Variants in LRRC9 observed in about 807,000 individuals in gnomAD.
LRRC9 encodes the protein leucine-rich repeat-containing protein 9.
Under a neutral mutation model 63.2 loss-of-function variants are expected in LRRC9, and 122 were observed. The ratio of observed to expected loss-of-function variants is 1.93; its 90% CI spans 1.67 to 2.24. The LOEUF (loss-of-function observed/expected upper bound fraction) is 2.24. Ranked by LOEUF, LRRC9 falls within the 30% of genes most tolerant of loss-of-function variation. The pLI is 0.00. For missense variants in LRRC9, 1,071 were observed against 627.7 expected, an observed-to-expected ratio of 1.71 and a Z score of -7.55; for synonymous variants, 366 against 213.1, an observed-to-expected ratio of 1.72 and a Z score of -6.25.
At chr14:59,939,744 A>ATAC (rs1422397966) in intron 7 of LRRC9, among the ~76,000 whole-genome samples, 2 of 152,018 alleles carry the variant, frequency 1.3e-5, no homozygotes, top group East Asian at 3.9e-4. Flanking sequence ...CATGAGGAAG[A>ATAC]GTATGGGAGG....
chr14:59,988,281 T>TACC (rs1887688545), intron 17 of LRRC9, among the ~76,000 whole-genome samples: 1 of 152,158 alleles, frequency 6.6e-6, no homozygotes, highest in African/African-American at 2.4e-5. Context: ...TTTCTAGGTA[T>TACC]TAGAAATTAT....
In LRRC9 at chr14:59,936,199, C is replaced by T. The variant is rs918234870; in HGVS notation, c.544-2191C>T. 1.3e-5 allele frequency among the ~76,000 whole-genome samples: 2 copies of T among 152,092 alleles called. No homozygotes were observed. Among genetic ancestry groups the T allele is most frequent in the Admixed American group, 1.3e-4 (2 of 15,266 alleles). ...TTGAACTGCTGTATTTCAGTATCTTCATTTTAAAAATGATGATAGCAGGAT... is the reference window on the plus strand; with the variant it reads ...TTGAACTGCTGTATTTCAGTATCTTTATTTTAAAAATGATGATAGCAGGAT... On this transcript the variant is annotated intron_variant, in intron 6 of 31. Coordinates refer to ENST00000445360, the Ensembl canonical transcript of LRRC9. The surrounding 1 kb of genome is among the most constrained non-coding windows in gnomAD (Gnocchi z 4.2).
intron 8 of LRRC9, among the ~76,000 whole-genome samples, chr14:59,947,817 T>C (rs1882626113): frequency 6.6e-6 from 1 of 150,600 alleles, no homozygotes; most frequent in African/African-American, 2.4e-5. Context: ...CAGATAGTTG[T>C]AGGTAAGCGG....
Position 59,932,806 on chromosome 14 carries a change from A to G in LRRC9, c.543+767A>G, listed in dbSNP as rs758712844. On this transcript the variant is annotated intron_variant, in intron 6 of 31. Transcript: ENST00000445360. The surrounding 1 kb of genome is among the most constrained non-coding windows in gnomAD (Gnocchi z 4.7). ...TTTTTCCTGTGTTTGTCCTTTCCCT[A>G]CTATAGATCTGTTCTCCACACAGAA... Among the ~76,000 whole-genome samples, 5 of 152,068 alleles carry G rather than the reference A, an allele frequency of 3.3e-5. No homozygotes were observed. The highest frequency in any genetic ancestry group is 3.3e-4 in the Admixed American group (5 of 15,254).
downstream of LRRC9, among the ~76,000 whole-genome samples, chr14:60,066,545 A>G (rs1440662509): frequency 6.6e-6 from 1 of 152,158 alleles, no homozygotes; most frequent in Non-Finnish European, 1.5e-5. Flanking sequence ...TATAAAACTT[A>G]GAGCTTCTGG....
At chr14:60,013,994 T>C (rs1193242494) in intron 23 of LRRC9, among the ~76,000 whole-genome samples, 1 of 152,114 alleles carries the variant, frequency 6.6e-6, no homozygotes, top group African/African-American at 2.4e-5. Context: ...TTCTGTTTTC[T>C]TTTTTGTGCC....
intron 22 of LRRC9, among the ~76,000 whole-genome samples, chr14:60,007,785 T>C (rs997426003): frequency 4.0e-5 from 6 of 151,778 alleles, no homozygotes; most frequent in Non-Finnish European, 8.8e-5. Flanking sequence ...CACTTAAAAG[T>C]GCACTGAGGC....
intron 19 of LRRC9, among the ~76,000 whole-genome samples, chr14:60,000,856 G>C (rs746596835): frequency 6.6e-6 from 1 of 152,056 alleles, no homozygotes; most frequent in African/African-American, 2.4e-5. Context: ...ACTGTCAAAA[G>C]ATATTCTTTA....
intron 18 of LRRC9, 132 bp downstream of exon 18, chr14:59,997,979 T>C: frequency 1.8e-6 from 1 of 555,374 alleles, no homozygotes; most frequent in Non-Finnish European, 3.2e-6. Context: ...TTCCTTGAAG[T>C]CATTCATAAA....
At chr14:59,970,875 TTGTC>T (rs1280262375) in intron 12 of LRRC9, among the ~76,000 whole-genome samples, 1 of 152,164 alleles carries the variant, frequency 6.6e-6, no homozygotes, top group Non-Finnish European at 1.5e-5. Flanking sequence ...ATTCTGTAGA[TTGTC>T]TGTTTACTCT....
chr14:60,053,863 GT>G lies in LRRC9; in HGVS notation c.4131+663del. 1 of 445,828 alleles carries G rather than the reference GT, an allele frequency of 2.2e-6. No homozygotes were observed. Among genetic ancestry groups the G allele is most frequent in the South Asian group, 1.6e-5 (1 of 61,838 alleles). The allele number at this position is 445,828 out of a possible 1,614,324, so 27.6% of individuals were successfully genotyped here. On this transcript the variant is annotated intron_variant, in intron 30 of 31. Transcript: ENST00000445360. This position sits in a 1 kb window ranked among gnomAD's most constrained non-coding sequence, Gnocchi z 4.8. ...CTAAATTTAACACAGAAAATCTATG[GT>G]TTTTGAACAGAGAAGTAACATTATT...
chr14:59,995,738 T>G (rs1174524388), intron 17 of LRRC9, among the ~76,000 whole-genome samples: 3 of 151,668 alleles, frequency 2.0e-5, no homozygotes, highest in African/African-American at 7.3e-5. Context: ...TTTTTTTTGT[T>G]ATATTTTATT....
intron 26 of LRRC9, among the ~76,000 whole-genome samples, chr14:60,020,628 C>T (rs754724337): frequency 1.3e-5 from 2 of 151,918 alleles, no homozygotes; most frequent in Non-Finnish European, 2.9e-5. Context: ...CATTTACAGT[C>T]AACTTCCTTT....
chr14:59,962,229 C>T lies in LRRC9; in HGVS notation c.1211+1184C>T, dbSNP rs1201753049. Among the ~76,000 whole-genome samples the T allele has an allele frequency of 1.3e-5, 2 of 152,134 alleles. No individual in the cohort carries two copies. The highest frequency in any genetic ancestry group is 2.9e-5 in the Non-Finnish European group (2 of 68,020). On this transcript the variant is annotated intron_variant, in intron 10 of 31. Transcript: ENST00000445360. This position sits in a 1 kb window ranked among gnomAD's most constrained non-coding sequence, Gnocchi z 5.1. ...ATACTTTCCTTTGTATTAGTACATCCATTTGCCCAGCAGTTACTACTGTTT... is the reference window on the plus strand; with the variant it reads ...ATACTTTCCTTTGTATTAGTACATCTATTTGCCCAGCAGTTACTACTGTTT...
At chr14:59,951,915 G>C (rs1390342256) in intron 8 of LRRC9, among the ~76,000 whole-genome samples, 11 of 152,140 alleles carry the variant, frequency 7.2e-5, no homozygotes, top group Non-Finnish European at 1.3e-4. Context: ...CTGTCAGACA[G>C]GGACATTTAA....
chr14:60,046,058 A>G (rs977283855), intron 29 of LRRC9, among the ~76,000 whole-genome samples: 9 of 152,090 alleles, frequency 5.9e-5, no homozygotes, highest in Admixed American at 2.0e-4. Flanking sequence ...CATCAGCCTC[A>G]TGTATGTCTG....
chr14:59,975,014 T>C (rs1238075319), intron 13 of LRRC9, among the ~76,000 whole-genome samples: 5 of 121,778 alleles, frequency 4.1e-5, no homozygotes, highest in Non-Finnish European at 8.6e-5. Flanking sequence ...TTGTGTCACA[T>C]ATATATATAT....
At chr14:59,993,418 A>C (rs537181002) in intron 17 of LRRC9, among the ~76,000 whole-genome samples, 11 of 152,318 alleles carry the variant, frequency 7.2e-5, no homozygotes, top group East Asian at 5.8e-4. Context: ...CGAGCAAAAT[A>C]ACCAGCTAAC....
In LRRC9 at chr14:59,938,503, T is replaced by G. The variant is rs1405788163; in HGVS notation, c.657T>G (p.Tyr219Ter). The change falls in exon 7 of 32, where the codon TAT (tyrosine) becomes TAG (stop). Residue 219 changes from tyrosine (Y) to a stop codon, truncating the protein, a stop_gained. Transcript: ENST00000445360. LOFTEE classifies it high-confidence loss of function. The surrounding 1 kb of genome is among the most constrained non-coding windows in gnomAD (Gnocchi z 4.2). ...GTAATTATTCCACACATGTATTATA[T>G]CATTTGCCTTGCCTTCAAAGATTTG... 1.4e-6 allele frequency: 1 copy of G among 697,648 alleles called. No individual in the cohort carries two copies. The highest frequency in any genetic ancestry group is 1.5e-5 in the South Asian group (1 of 67,006). 43.2% of individuals were successfully genotyped at this position (697,648 alleles called of 1,614,324 possible). A position where few individuals can be genotyped will look rare whatever the true frequency, so the allele number is the denominator to read the frequency against.
Sources: allele counts gnomAD v4.1 joint callset (sites outside exome capture counted in the v4.1 genomes callset), GRCh38; gene constraint gnomAD v4.1.1; non-coding constraint Gnocchi (gnomAD v3.1); transcripts MANE v1.5; gene names NCBI Gene and HGNC (gene_info 2026-07-23, HGNC 2026-07-21).